The following RMDN1 variants were observed in gnomAD, a reference collection of about 807,000 sequenced individuals.
RMDN1 encodes regulator of microtubule dynamics 1, also known as regulator of microtubule dynamics protein 1.
Under a neutral mutation model 48.9 loss-of-function variants are expected in RMDN1, and 48 were observed. The ratio of observed to expected loss-of-function variants is 0.98; its 90% CI spans 0.78 to 1.25. The LOEUF is 1.25. RMDN1 is among the 50% of genes most tolerant of loss of function. The probability of loss-of-function intolerance (pLI) is 0.00; values close to 1 mark genes in which losing one functional copy is unlikely to be tolerated. For synonymous variants in RMDN1, 148 were observed against 132.6 expected, an observed-to-expected ratio of 1.12 and a Z score of -0.80; for missense variants, 418 against 373.4, an observed-to-expected ratio of 1.12 and a Z score of -0.98.
At chr8:86,506,560 T>C (rs1158793729) in intron 2 of RMDN1, among the ~76,000 whole-genome samples, 2 of 152,150 alleles carry the variant, frequency 1.3e-5, no homozygotes, top group Non-Finnish European at 2.9e-5. Flanking sequence ...GGAAATAGGT[T>C]ATTGTTGACT....
intron 2 of RMDN1, chr8:86,504,881 C>A: frequency 2.8e-6 from 3 of 1,083,462 alleles, no homozygotes; most frequent in Non-Finnish European, 4.3e-6. Context: ...TTATTATCTT[C>A]GCCAGCTTCC....
At chr8:86,508,849 C>G, upstream of RMDN1, 1 of 1,222,392 alleles carries the variant, frequency 8.2e-7, no homozygotes, top group Non-Finnish European at 1.0e-6. Flanking sequence ...TCCGCGCCTG[C>G]GTCCAGGACT....
chr8:86,470,986 A>AGAATT (rs1333668996), downstream of RMDN1, among the ~76,000 whole-genome samples: 19 of 152,170 alleles, frequency 1.2e-4, no homozygotes, highest in African/African-American at 4.6e-4. Flanking sequence ...TACATGTGAT[A>AGAATT]GAATTGCATA....
intron 2 of RMDN1, chr8:86,504,963 TG>T: frequency 7.3e-7 from 1 of 1,373,920 alleles, no homozygotes; most frequent in Non-Finnish European, 1.0e-6. Flanking sequence ...GGATATCACA[TG>T]GGCCTTTAAA....
At chr8:86,503,366 C>CAA (rs1354324383) in intron 2 of RMDN1, among the ~76,000 whole-genome samples, 11 of 70,466 alleles carry the variant, frequency 1.6e-4, no homozygotes, top group Non-Finnish European at 2.2e-4. Context: ...CAAAACAAAA[C>CAA]AAAACAAAAA....
chr8:86,509,934 C>G (rs1215702617), upstream of RMDN1, among the ~76,000 whole-genome samples: 1 of 152,060 alleles, frequency 6.6e-6, no homozygotes, highest in African/African-American at 2.4e-5. Context: ...CTGGCAGCTA[C>G]CCCCTCAACA....
chr8:86,503,385 A>AAAACAAAAAAAAATAAC (rs1818687147), intron 2 of RMDN1, among the ~76,000 whole-genome samples: 2 of 81,094 alleles, frequency 2.5e-5, no homozygotes, highest in Non-Finnish European at 4.6e-5. Context: ...AAAAAAAAAA[A>AAAACAAAAAAAAATAAC]AAAACAAAAA....
intron 6 of RMDN1, among the ~76,000 whole-genome samples, 157 bp from the exon 7 acceptor site, chr8:86,479,167 A>G (rs1813904515): frequency 6.6e-6 from 1 of 152,194 alleles, no homozygotes. Flanking sequence ...AGATTGACAT[A>G]GTGATCCTTT....
At chr8:86,484,835 C>T in intron 5 of RMDN1, 37 bp downstream of exon 5, 1 of 1,330,878 alleles carries the variant, frequency 7.5e-7, no homozygotes, top group Non-Finnish European at 1.1e-6. Flanking sequence ...AAAAATATGA[C>T]TTTTAAAATT....
chr8:86,507,174 A>C, intron 1 of RMDN1, 62 bp from the exon 2 acceptor site: 1 of 948,018 alleles, frequency 1.1e-6, no homozygotes, highest in Non-Finnish European at 1.7e-6. Flanking sequence ...TGCTACCCCA[A>C]GCAAAAATTA....
chr8:86,478,753 T>C, intron 7 of RMDN1, 170 bp downstream of exon 7: 3 of 614,816 alleles, frequency 4.9e-6, no homozygotes, highest in Non-Finnish European at 2.9e-6. Flanking sequence ...AGAAAACCAC[T>C]CACCAGTCAA....
chr8:86,488,768 T>C (rs911606662), intron 2 of RMDN1, 129 bp from the exon 3 acceptor site: 51 of 491,972 alleles, frequency 1.0e-4, no homozygotes, highest in Non-Finnish European at 1.6e-4. Context: ...TGACCTACAA[T>C]GAAACAGCAG....
chr8:86,487,072 T>C (rs894787902), intron 3 of RMDN1, among the ~76,000 whole-genome samples: 1 of 152,204 alleles, frequency 6.6e-6, no homozygotes, highest in African/African-American at 2.4e-5. Flanking sequence ...AACTGCTGAA[T>C]CCCTAGTCTC....
At chr8:86,482,420 G>C in intron 5 of RMDN1, 1 of 433,708 alleles carries the variant, frequency 2.3e-6, no homozygotes, top group South Asian at 2.1e-5. Flanking sequence ...AAAGAAAGGA[G>C]GCTCTGTAAA....
chr8:86,481,902 G>T, intron 5 of RMDN1: 1 of 778,966 alleles, frequency 1.3e-6, no homozygotes, highest in South Asian at 1.8e-5. Flanking sequence ...AACAAAGTGG[G>T]GTGGCTCGGC....
At chr8:86,513,001 C>G (rs1820129224), upstream of RMDN1, among the ~76,000 whole-genome samples, 1 of 151,376 alleles carries the variant, frequency 6.6e-6, no homozygotes, top group Admixed American at 6.6e-5. Flanking sequence ...TCATTTGATA[C>G]CCTTTCCATT....
chr8:86,510,750 A>T (rs183365461), upstream of RMDN1, among the ~76,000 whole-genome samples: 20 of 152,362 alleles, frequency 1.3e-4, no homozygotes, highest in Non-Finnish European at 2.8e-4. Flanking sequence ...ACAGCAACTG[A>T]TAACTAATAT....
At chr8:86,495,097 G>A (rs142451925) in intron 2 of RMDN1, 2 of 278,956 alleles carry the variant, frequency 7.2e-6, no homozygotes, top group African/African-American at 2.2e-5. Flanking sequence ...CCCACTGAGA[G>A]AGACCATCAT....
intron 8 of RMDN1, among the ~76,000 whole-genome samples, chr8:86,476,485 A>G (rs1813397925): frequency 6.6e-6 from 1 of 152,118 alleles, no homozygotes; most frequent in Non-Finnish European, 1.5e-5. Context: ...TTTATGGTCT[A>G]TTTGGTATCA....
Sources: gnomAD v4.1 joint callset for allele counts (sites outside exome capture counted in the v4.1 genomes callset) on GRCh38, gnomAD v4.1.1 for gene constraint, MANE v1.5 for transcripts, NCBI Gene and HGNC (gene_info 2026-07-23, HGNC 2026-07-21) for gene names.